AMPH: variants seen among roughly 807,000 people sequenced by gnomAD.
AMPH encodes the protein amphiphysin.
In AMPH, 49 loss-of-function variants were observed where a neutral mutation model predicts 99.1. The observed-to-expected ratio is 0.49, with a 90% CI of 0.39 to 0.63. The LOEUF is 0.63. Among genes scored for constraint, AMPH ranks in the 20% least tolerant of loss-of-function variants. The pLI, the probability that AMPH is intolerant of heterozygous loss-of-function variation, is 0.00. For missense variants in AMPH, 759 were observed against 863.4 expected (o/e 0.88, Z 1.52); for synonymous variants, 314 against 317.3 (o/e 0.99, Z 0.11).
At chr7:38,464,906 G>A (rs941286806) in intron 9 of AMPH, among the ~76,000 whole-genome samples, 1 of 152,166 alleles carries the variant, frequency 6.6e-6, no homozygotes, top group Non-Finnish European at 1.5e-5. Flanking sequence ...GTCACCTATG[G>A]ATCATTGGGG....
rs963637735 is a variant in AMPH, at chr7:38,419,448, A to G, written c.1273-1498T>C. Reference sequence around the variant, plus strand: ...ACAAGTGTGCAGACATTTGATTTTTATGGGCTTTTTTCAGCTTTAAGAGGT... The same window carrying G: ...ACAAGTGTGCAGACATTTGATTTTTGTGGGCTTTTTTCAGCTTTAAGAGGT... On this transcript the variant is annotated intron_variant, in intron 16 of 20. Coordinates refer to ENST00000356264, the MANE Select transcript of AMPH (RefSeq NM_001635.4). Among the ~76,000 whole-genome samples, 2 of 152,164 alleles carry G rather than the reference A, an allele frequency of 1.3e-5. 1 individual carries two copies. The highest frequency in any genetic ancestry group is 1.3e-4 in the Admixed American group (2 of 15,278).
intron 1 of AMPH, among the ~76,000 whole-genome samples, chr7:38,567,695 T>C (rs1791796785): frequency 1.3e-5 from 2 of 152,352 alleles, no homozygotes; most frequent in South Asian, 4.1e-4. Context: ...AGCTTTCAAC[T>C]GCAGGAAAAG....
In AMPH at chr7:38,454,062, C is replaced by T. The variant is rs537356324; in HGVS notation, c.1017+7221G>A. Among the ~76,000 whole-genome samples, 270 of 152,290 alleles carry T rather than the reference C, an allele frequency of 1.8e-3. 1 individual carries two copies. Among genetic ancestry groups the T allele is most frequent in the African/African-American group, 6.3e-3 (263 of 41,538 alleles). The stretch of plus-strand genomic sequence containing the variant: ...CACAGACATACAATCTGGCCATGCA[C>T]CGATAAACACCATTCTCAAAGGAGC... On this transcript the variant is annotated intron_variant, in intron 11 of 20. Coordinates refer to ENST00000356264, the MANE Select transcript of AMPH (RefSeq NM_001635.4).
At chr7:38,503,596 T>G in intron 3 of AMPH, 54 bp downstream of exon 3, 1 of 1,570,910 alleles carries the variant, frequency 6.4e-7, no homozygotes, top group Non-Finnish European at 8.8e-7. Context: ...CACTCATGAA[T>G]TCCAAGAACA....
At chr7:38,458,397 C>T (rs569282863) in intron 11 of AMPH, among the ~76,000 whole-genome samples, 2 of 152,058 alleles carry the variant, frequency 1.3e-5, no homozygotes, top group South Asian at 4.2e-4. Context: ...CAAACAAAAA[C>T]ACCAACAACA....
chr7:38,393,548 C>T (rs1018584580), intron 18 of AMPH, among the ~76,000 whole-genome samples: 3 of 152,140 alleles, frequency 2.0e-5, no homozygotes, highest in Admixed American at 2.0e-4. Context: ...CAGTGGTGGG[C>T]TCTTGGTAAA....
chr7:38,591,202 T>C (rs867200618), intron 1 of AMPH, among the ~76,000 whole-genome samples: 1 of 152,162 alleles, frequency 6.6e-6, no homozygotes, highest in East Asian at 1.9e-4. Flanking sequence ...AAATAAATTA[T>C]GCCAAACTGT....
chr7:38,568,368 C>T (rs12534417), intron 1 of AMPH, among the ~76,000 whole-genome samples: 18,629 of 152,058 alleles, frequency 0.12, 1,574 homozygotes, highest in Admixed American at 0.24. Flanking sequence ...AGGAGGCTGA[C>T]GCAGGAGGAT....
Position 38,462,962 on chromosome 7 carries a change from G to C in AMPH, c.888+13C>G. On this transcript the variant is annotated intron_variant, in intron 10 of 20. Transcript: ENST00000356264. ...ATGAGCTCTATCCCCCAATATATTT[G>C]ACCTCTTCCTACCTGTGAAGGTGAC... 6.5e-7 allele frequency: 1 copy of C among 1,541,620 alleles called. No homozygotes were observed. Among genetic ancestry groups the C allele is most frequent in the Non-Finnish European group, 8.7e-7 (1 of 1,145,094 alleles).
At chr7:38,477,298 T>C (rs910548833) in intron 5 of AMPH, among the ~76,000 whole-genome samples, 5 of 152,156 alleles carry the variant, frequency 3.3e-5, no homozygotes, top group African/African-American at 1.2e-4. Context: ...CATTATTCTC[T>C]AGTCGAAATC....
chr7:38,550,930 T>C (rs1791159301), intron 1 of AMPH, among the ~76,000 whole-genome samples: 1 of 152,192 alleles, frequency 6.6e-6, no homozygotes, highest in African/African-American at 2.4e-5. Flanking sequence ...AAAATGTGAA[T>C]TAAATTTGAA....
intron 5 of AMPH, among the ~76,000 whole-genome samples, chr7:38,488,503 C>T (rs1788596991): frequency 6.9e-6 from 1 of 145,286 alleles, no homozygotes; most frequent in Non-Finnish European, 1.5e-5. Context: ...TGGAACATCA[C>T]ACACCGGGGC....
chr7:38,535,223 AG>A (rs1790555080), intron 1 of AMPH, among the ~76,000 whole-genome samples: 1 of 150,556 alleles, frequency 6.6e-6, no homozygotes, highest in Non-Finnish European at 1.5e-5. Flanking sequence ...CGCCCCTCAC[AG>A]GCTGTGTGGC....
chr7:38,498,272 A>C (rs1004571285), intron 3 of AMPH, among the ~76,000 whole-genome samples: 8 of 152,154 alleles, frequency 5.3e-5, no homozygotes, highest in African/African-American at 1.4e-4. Flanking sequence ...GATACTCATC[A>C]CCTACGATTT....
chr7:38,427,781 A>G (rs550027378), intron 14 of AMPH: 43 of 394,480 alleles, frequency 1.1e-4, no homozygotes, highest in African/African-American at 8.1e-4. Context: ...AGACATGAGG[A>G]AAAACAGAGC....
intron 20 of AMPH, among the ~76,000 whole-genome samples, chr7:38,388,383 A>T (rs1401050451): frequency 6.6e-6 from 1 of 152,004 alleles, no homozygotes; most frequent in Non-Finnish European, 1.5e-5. Context: ...CTAAGGTTTT[A>T]ATAATTTTGT....
chr7:38,495,017 A>G (rs2129022175), intron 3 of AMPH, among the ~76,000 whole-genome samples: 1 of 152,334 alleles, frequency 6.6e-6, no homozygotes, highest in Non-Finnish European at 1.5e-5. Flanking sequence ...TAAAATGGTA[A>G]ACACGGTTAA....
intron 1 of AMPH, among the ~76,000 whole-genome samples, chr7:38,546,128 A>C (rs911311529): frequency 1.3e-5 from 2 of 152,208 alleles, no homozygotes; most frequent in Non-Finnish European, 1.5e-5. Context: ...ACCTTCCTTG[A>C]GAACCTGGAC....
intron 1 of AMPH, among the ~76,000 whole-genome samples, chr7:38,606,574 T>A (rs1016972412): frequency 1.4e-4 from 21 of 146,672 alleles, no homozygotes; most frequent in Middle Eastern, 3.5e-3. Context: ...CTCTTTTTTT[T>A]TTTTTTTTTT....
Sources: allele counts gnomAD v4.1 joint callset (sites outside exome capture counted in the v4.1 genomes callset), GRCh38; gene constraint gnomAD v4.1.1; transcripts MANE v1.5; gene names NCBI Gene and HGNC (gene_info 2026-07-23, HGNC 2026-07-21).